The following COL11A1 variants were observed in gnomAD, a reference collection of about 807,000 sequenced individuals.
The protein encoded by COL11A1 is collagen alpha-1(XI) chain.
Under a neutral mutation model 265.2 loss-of-function variants are expected in COL11A1, and 74 were observed. The observed-to-expected ratio is 0.28, with a 90% CI of 0.23 to 0.34. The LOEUF (loss-of-function observed/expected upper bound fraction) is 0.34, where lower values mean the gene tolerates loss of function less well. Among genes scored for constraint, COL11A1 ranks in the 10% least tolerant of loss-of-function variants. The pLI is 1.00. For synonymous variants in COL11A1, 816 were observed against 727.6 expected, an observed-to-expected ratio of 1.12 and a Z score of -1.96; for missense variants, 2,165 against 2,263.6, an observed-to-expected ratio of 0.96 and a Z score of 0.88.
chr1:102,950,678 T>C (rs1306548341), intron 41 of COL11A1, among the ~76,000 whole-genome samples: 1 of 152,230 alleles, frequency 6.6e-6, no homozygotes, highest in Admixed American at 6.5e-5. Flanking sequence ...TCTTCTGACA[T>C]GGAAAGTCTT....
At chr1:103,006,526 A>ATTTTTTTTTTTTTTTT (rs4013849) in intron 15 of COL11A1, among the ~76,000 whole-genome samples, 3 of 82,886 alleles carry the variant, frequency 3.6e-5, no homozygotes, top group African/African-American at 4.8e-5. Context: ...AAATGGCTCC[A>ATTTTTTTTTTTTTTTT]TTTTTTTTTT....
intron 13 of COL11A1, 58 bp from the exon 14 acceptor site, chr1:103,012,527 A>G: frequency 7.6e-7 from 1 of 1,307,696 alleles, no homozygotes; most frequent in Non-Finnish European, 1.1e-6. Flanking sequence ...ACATTAAAGT[A>G]CAATATGAAT....
At chr1:103,066,394 C>A (rs1394139797) in intron 4 of COL11A1, among the ~76,000 whole-genome samples, 1 of 151,776 alleles carries the variant, frequency 6.6e-6, no homozygotes, top group East Asian at 1.9e-4. Flanking sequence ...TTCTGCATTA[C>A]ATACATACAA....
intron 3 of COL11A1, among the ~76,000 whole-genome samples, chr1:103,076,225 G>T (rs1671962711): frequency 6.6e-6 from 1 of 152,016 alleles, no homozygotes; most frequent in South Asian, 2.1e-4. Flanking sequence ...CCTATAGTCA[G>T]AAAATTCTAT....
chr1:102,992,655 A>G (rs148344126), intron 28 of COL11A1, among the ~76,000 whole-genome samples: 1 of 152,096 alleles, frequency 6.6e-6, no homozygotes, highest in East Asian at 1.9e-4. Flanking sequence ...GTTTCTCTAA[A>G]TCTATAATTT....
Position 103,022,866 on chromosome 1 carries a change from A to G in COL11A1, c.1121T>C (p.Val374Ala). 1 of 1,613,962 alleles carries G rather than the reference A, an allele frequency of 6.2e-7. No individual in the cohort carries two copies. ...ATCATATTCGCCTAAATCTCCATCT[A>G]CCAGAAGATCAGAATCCCTGCCGTC... Reference protein sequence around the residue: ...EIDGRDSDLLVDGDLGEYDFY... With the variant: ...EIDGRDSDLLADGDLGEYDFY... Residue 374 changes from valine to alanine, a missense_variant, in exon 8 of 67, where the codon GTA becomes GCA. Physicochemically the swap from Val to Ala is moderately conservative, Grantham distance 64. Coordinates refer to ENST00000370096, the MANE Select transcript of COL11A1 (RefSeq NM_001854.4).
chr1:103,064,421 T>C (rs548423834), intron 4 of COL11A1, among the ~76,000 whole-genome samples: 39 of 152,192 alleles, frequency 2.6e-4, no homozygotes, highest in African/African-American at 9.4e-4. Flanking sequence ...CCAGGCGCGG[T>C]GGCTCATGCC....
chr1:103,005,706 A>G, intron 18 of COL11A1, 132 bp downstream of exon 18: 1 of 956,224 alleles, frequency 1.0e-6, no homozygotes, highest in Non-Finnish European at 1.6e-6. Flanking sequence ...TCCTTCTAGT[A>G]TCTATTAGAT....
In COL11A1 at chr1:102,877,950, G is replaced by A. The variant is rs1649693931; in HGVS notation, c.*69C>T. On this transcript the variant is annotated 3_prime_UTR_variant, in exon 67 of 67. Transcript: ENST00000370096. Reference sequence around the variant, plus strand: ...TACCATCCTTATTCAAAACTTGCATGTGGCACAAAATGGGTTGGTGGCACC... The same window carrying A: ...TACCATCCTTATTCAAAACTTGCATATGGCACAAAATGGGTTGGTGGCACC... The A allele has an allele frequency of 1.3e-6, 2 of 1,526,946 alleles. No homozygotes were observed. Among genetic ancestry groups the A allele is most frequent in the Non-Finnish European group, 1.8e-6 (2 of 1,102,364 alleles). 94.6% of individuals were successfully genotyped at this position (1,526,946 alleles called of 1,614,324 possible). A position where few individuals can be genotyped will look rare whatever the true frequency, so the allele number is the denominator to read the frequency against.
intron 25 of COL11A1, 119 bp from the exon 26 acceptor site, chr1:102,997,243 A>C (rs190089888): frequency 2.1e-6 from 2 of 969,758 alleles, no homozygotes; most frequent in Non-Finnish European, 3.3e-6. Context: ...TTTCAAAAAC[A>C]TTGAACACTT....
chr1:102,938,656 T>C (rs1179821754), intron 44 of COL11A1, among the ~76,000 whole-genome samples: 1 of 152,072 alleles, frequency 6.6e-6, no homozygotes. Flanking sequence ...AATTTTAAAA[T>C]AAGTATTTAT....
At chr1:103,074,829 G>T (rs755747850) in intron 3 of COL11A1, 49 bp from the exon 4 acceptor site, 12 of 1,594,614 alleles carry the variant, frequency 7.5e-6, no homozygotes, top group Non-Finnish European at 1.0e-5. Flanking sequence ...AACAGTGGTT[G>T]CCAAAGCAGT....
At chr1:103,075,011 T>C (rs1671866224) in intron 3 of COL11A1, among the ~76,000 whole-genome samples, 1 of 152,152 alleles carries the variant, frequency 6.6e-6, no homozygotes, top group African/African-American at 2.4e-5. Context: ...TAGAATTAGC[T>C]GTCTGTGCTG....
chr1:102,947,268 T>G (rs1415921102), intron 41 of COL11A1, among the ~76,000 whole-genome samples: 3 of 152,178 alleles, frequency 2.0e-5, no homozygotes, highest in Admixed American at 1.3e-4. Context: ...TTGTGCACAA[T>G]GCTTTATAAA....
intron 54 of COL11A1, among the ~76,000 whole-genome samples, chr1:102,908,914 AT>A (rs1654318540): frequency 6.6e-6 from 1 of 152,092 alleles, no homozygotes; most frequent in South Asian, 2.1e-4. Flanking sequence ...GAGTAACATA[AT>A]TTTTCTATTT....
rs572297675 is a variant in COL11A1 at position 103,044,168 on chromosome 1, T to G, written c.652-12924A>C. Among the ~76,000 whole-genome samples the G allele has an allele frequency of 5.3e-5, 8 of 151,958 alleles. No homozygotes were observed. In the East Asian group the frequency reaches 9.6e-4, roughly 18 times the overall value. On this transcript the variant is annotated intron_variant, in intron 4 of 66. Coordinates refer to ENST00000370096, the MANE Select transcript of COL11A1 (RefSeq NM_001854.4). Reference sequence around the variant, plus strand: ...GCCAAGGCATTAACTCTCACCAGTTTTTTTTTTTTTCAAACACCCCATACA... The same window carrying G: ...GCCAAGGCATTAACTCTCACCAGTTGTTTTTTTTTTCAAACACCCCATACA...
At chr1:102,927,650 CAAAAAAAAAA>C (rs1557831217) in intron 46 of COL11A1, among the ~76,000 whole-genome samples, 2 of 146,304 alleles carry the variant, frequency 1.4e-5, no homozygotes, top group African/African-American at 5.0e-5. Flanking sequence ...CTCAAAAAAA[CAAAAAAAAAA>C]CCAAAAACCC....
chr1:102,905,542 C>T lies in COL11A1; in HGVS notation c.4087-6548G>A, dbSNP rs866096425. ...AAAAAAAAAAAAAAAGTGCTGGGATCGTGGGTGTGACCAAATACCTCTTTC... is the reference window on the plus strand; with the variant it reads ...AAAAAAAAAAAAAAAGTGCTGGGATTGTGGGTGTGACCAAATACCTCTTTC... On this transcript the variant is annotated intron_variant, in intron 54 of 66. Coordinates refer to ENST00000370096, the MANE Select transcript of COL11A1 (RefSeq NM_001854.4). Among the ~76,000 whole-genome samples the T allele has an allele frequency of 3.9e-4, 58 of 148,336 alleles. 1 individual carries two copies. The highest frequency in any genetic ancestry group is 1.4e-3 in the African/African-American group (55 of 40,636).
At position 102,933,286 on chromosome 1, in the gene COL11A1, CTGTT is replaced by C. The variant is rs753263792; in HGVS notation, c.3600+1159_3600+1162del. Among the ~76,000 whole-genome samples the C allele has an allele frequency of 2.4e-5, 3 of 126,448 alleles. No individual in the cohort carries two copies. In the East Asian group the frequency reaches 7.0e-4, roughly 30 times the overall value. The allele number at this position is 126,448 out of a possible 152,430, so 83.0% of individuals were successfully genotyped here. ...TGGGTTTTTGGTGTGGATGTCCTTT[CTGTT>C]TGTTAGTTTTCCTTCTAACAGACAG... On this transcript the variant is annotated intron_variant, in intron 46 of 66. Coordinates refer to ENST00000370096, the MANE Select transcript of COL11A1 (RefSeq NM_001854.4).
Sources: gnomAD v4.1 joint callset for allele counts (sites outside exome capture counted in the v4.1 genomes callset) on GRCh38, gnomAD v4.1.1 for gene constraint, MANE v1.5 for transcripts, NCBI Gene and HGNC (gene_info 2026-07-23, HGNC 2026-07-21) for gene names.